The following ADCY2 variants were observed in gnomAD, a reference collection of about 807,000 sequenced individuals.
ADCY2 encodes the protein adenylate cyclase 2.
In ADCY2, 31 loss-of-function variants were observed where a neutral mutation model predicts 125.2. That is an observed-to-expected ratio of 0.25 (90% CI 0.19 to 0.33). The LOEUF (loss-of-function observed/expected upper bound fraction) is 0.33, where lower values mean the gene tolerates loss of function less well. Ranked by LOEUF, ADCY2 falls within the 10% of genes least tolerant of loss-of-function variation. ADCY2 has a pLI of 1.00. For missense variants in ADCY2, 904 were observed against 1,418.2 expected (o/e 0.64, Z 5.82); for synonymous variants, 512 against 548.4 (o/e 0.93, Z 0.93).
intron 1 of ADCY2, among the ~76,000 whole-genome samples, chr5:7,408,021 A>G (rs745854923): frequency 5.3e-5 from 8 of 151,712 alleles, no homozygotes; most frequent in Non-Finnish European, 1.0e-4. Flanking sequence ...GGCATGTGCC[A>G]CCATACTCAA....
At chr5:7,613,269 C>T (rs984970889) in intron 3 of ADCY2, among the ~76,000 whole-genome samples, 1 of 152,072 alleles carries the variant, frequency 6.6e-6, no homozygotes, top group Non-Finnish European at 1.5e-5. Flanking sequence ...GGAGAAGGCA[C>T]AAATAGCTCA....
intron 20 of ADCY2, among the ~76,000 whole-genome samples, chr5:7,792,209 T>C (rs1465869320): frequency 2.8e-5 from 2 of 72,340 alleles, no homozygotes; most frequent in South Asian, 8.1e-4. Flanking sequence ...CCGTCTCTAC[T>C]AAAAATACAA....
At chr5:7,658,798 A>AG (rs1024347775) in intron 4 of ADCY2, among the ~76,000 whole-genome samples, 5 of 152,218 alleles carry the variant, frequency 3.3e-5, no homozygotes, top group African/African-American at 1.2e-4. Context: ...TGCTGGACCG[A>AG]GGGAAGAGCA....
chr5:7,453,365 CCT>C (rs1482969511), intron 2 of ADCY2, among the ~76,000 whole-genome samples: 1 of 152,088 alleles, frequency 6.6e-6, no homozygotes, highest in African/African-American at 2.4e-5. Context: ...GTGTTCTCCC[CCT>C]GATTTATGTT....
intron 18 of ADCY2, among the ~76,000 whole-genome samples, chr5:7,779,672 G>C (rs1346412161): frequency 6.6e-6 from 1 of 152,086 alleles, no homozygotes; most frequent in Non-Finnish European, 1.5e-5. Context: ...TTGTGGTTCT[G>C]CTGCAGCACT....
chr5:7,610,798 G>A (rs1319425488), intron 3 of ADCY2, among the ~76,000 whole-genome samples: 1 of 152,178 alleles, frequency 6.6e-6, no homozygotes, highest in Non-Finnish European at 1.5e-5. Context: ...GGCCTGTGTG[G>A]TTTTCTTATG....
At chr5:7,789,930 G>A (rs1744201258) in intron 20 of ADCY2, 130 bp downstream of exon 20, 1 of 698,822 alleles carries the variant, frequency 1.4e-6, no homozygotes, top group African/African-American at 1.8e-5. Context: ...AATTGGCCAA[G>A]ATTGGCTTGA....
chr5:7,440,935 T>C (rs1306765292), intron 2 of ADCY2, among the ~76,000 whole-genome samples: 1 of 152,138 alleles, frequency 6.6e-6, no homozygotes, highest in African/African-American at 2.4e-5. Context: ...AAGATGCTGC[T>C]GTCTCCACGT....
chr5:7,500,886 C>A (rs1424129364), intron 2 of ADCY2, among the ~76,000 whole-genome samples: 3 of 152,094 alleles, frequency 2.0e-5, no homozygotes, highest in African/African-American at 7.2e-5. Flanking sequence ...GGGATCCTTG[C>A]AGAAGTTCTT....
At chr5:7,404,173 T>C (rs6897905) in intron 1 of ADCY2, among the ~76,000 whole-genome samples, 5,999 of 152,298 alleles carry the variant, frequency 0.039, 401 homozygotes, top group African/African-American at 0.14. Flanking sequence ...TTTGATAATA[T>C]TGTTCTCCTT....
intron 2 of ADCY2, among the ~76,000 whole-genome samples, chr5:7,417,067 A>G (rs1170154906): frequency 6.6e-6 from 1 of 152,246 alleles, no homozygotes; most frequent in African/African-American, 2.4e-5. Context: ...AGAATTAATG[A>G]AAGGGTCGTG....
Position 7,804,614 on chromosome 5 carries a change from T to G in ADCY2, c.2805T>G (p.Val935=). The G allele has an allele frequency of 1.2e-6, 2 of 1,614,102 alleles. No homozygotes were observed. The highest frequency in any genetic ancestry group is 2.2e-5 in the South Asian group (2 of 91,080). ...TTTCCAAGCCAAAATTCAGTGGAGT[T>G]GAAAAGATTAAGACCATTGGCAGCA... The part of the protein sequence containing the change: ...DLLSKPKFSG[V]EKIKTIGSTY... The change falls in exon 22 of 25, where the codon GTT becomes GTG. Residue 935 remains valine, a synonymous_variant. Coordinates refer to ENST00000338316, the MANE Select transcript of ADCY2 (RefSeq NM_020546.3).
At chr5:7,585,311 G>A (rs1736594420) in intron 3 of ADCY2, among the ~76,000 whole-genome samples, 1 of 152,140 alleles carries the variant, frequency 6.6e-6, no homozygotes, top group African/African-American at 2.4e-5. Context: ...GTTGTTTTGT[G>A]TATGTGGAAA....
chr5:7,554,600 A>G (rs901729511), intron 3 of ADCY2, among the ~76,000 whole-genome samples: 9 of 152,184 alleles, frequency 5.9e-5, no homozygotes, highest in Non-Finnish European at 8.8e-5. Flanking sequence ...TTTAAGGCCA[A>G]AAAGCATGTC....
intron 2 of ADCY2, among the ~76,000 whole-genome samples, chr5:7,508,377 C>T (rs1460465110): frequency 1.3e-5 from 2 of 152,194 alleles, no homozygotes; most frequent in Admixed American, 6.5e-5. Context: ...GTCTTCAGGT[C>T]GGCTGAGTTT....
intron 3 of ADCY2, among the ~76,000 whole-genome samples, chr5:7,563,579 G>T (rs369191940): frequency 6.6e-6 from 1 of 152,128 alleles, no homozygotes; most frequent in East Asian, 1.9e-4. Context: ...GGAGTAGAGT[G>T]GAACTTCATA....
chr5:7,611,094 A>T (rs1315029725), intron 3 of ADCY2: 1 of 152,174 alleles, frequency 6.6e-6, no homozygotes, highest in Non-Finnish European at 1.5e-5. Flanking sequence ...GGGCCACCTG[A>T]CCATGGGAAG....
Position 7,576,797 on chromosome 5 carries a change from G to A in ADCY2, c.571-49370G>A, listed in dbSNP as rs80333844. Among the ~76,000 whole-genome samples the A allele has an allele frequency of 4.5e-3, 681 of 152,192 alleles. 2 individuals carry two copies. Among genetic ancestry groups the A allele is most frequent in the African/African-American group, 0.015 (635 of 41,528 alleles). On this transcript the variant is annotated intron_variant, in intron 3 of 24. Transcript: ENST00000338316. ...CCTTCCCCACCAACACCACTGTTAA[G>A]AGCTTTCCTAACTAGAAATGTATTC...
At chr5:7,738,033 A>T (rs1742299217) in intron 14 of ADCY2, among the ~76,000 whole-genome samples, 1 of 152,354 alleles carries the variant, frequency 6.6e-6, no homozygotes, top group Non-Finnish European at 1.5e-5. Flanking sequence ...ATGCTAATGG[A>T]AGTTCCTCAA....
Sources: gnomAD v4.1 joint callset for allele counts (sites outside exome capture counted in the v4.1 genomes callset) on GRCh38, gnomAD v4.1.1 for gene constraint, MANE v1.5 for transcripts, NCBI Gene and HGNC (gene_info 2026-07-23, HGNC 2026-07-21) for gene names.